Variants in CNGA2 observed in about 807,000 individuals in gnomAD.
CNGA2 encodes the protein cyclic nucleotide gated channel subunit alpha 2.
In CNGA2, 22 loss-of-function variants were observed where a neutral mutation model predicts 35.9. The observed-to-expected ratio is 0.61, with a 90% confidence interval of 0.44 to 0.88. CNGA2 has a LOEUF of 0.88. Ranked by LOEUF, CNGA2 falls within the 40% of genes least tolerant of loss-of-function variation. The pLI, the probability that CNGA2 is intolerant of heterozygous loss-of-function variation, is 0.00. For synonymous variants in CNGA2, 217 were observed against 209.2 expected (o/e 1.04, Z -0.32); for missense variants, 555 against 530.8 (o/e 1.05, Z -0.45).
intron 1 of CNGA2, among the ~76,000 whole-genome samples, chrX:151,736,476 C>T (rs1378051353): frequency 8.9e-6 from 1 of 112,097 alleles, no homozygotes. Flanking sequence ...TTACGGTTGA[C>T]ACCAGGCTTC....
rs374533370 is a variant in CNGA2, at chrX:151,739,612, G to A, written c.254G>A (p.Arg85Gln). Reference sequence around the variant, plus strand: ...AGAGAATGGGCCAACAAGAATTTCCGAGAGGAGGAACCTAGGCCTGACTCA... The same window carrying A: ...AGAGAATGGGCCAACAAGAATTTCCAAGAGGAGGAACCTAGGCCTGACTCA... ...IIREWANKNF[R>Q]EEEPRPDSFL... Residue 85 changes from arginine (R) to glutamine (Q), a missense_variant, in exon 4 of 7, where the codon CGA becomes CAA. Arg to Gln is a conservative substitution (Grantham distance 43). Transcript: ENST00000329903. 66 of 1,209,902 alleles carry A rather than the reference G, an allele frequency of 5.5e-5. No homozygotes were observed. In the Middle Eastern group the frequency reaches 1.1e-3, roughly 21 times the overall value.
rs1206278336 is a variant in CNGA2, at chrX:151,739,603, AG to A, written c.246del (p.Asn83IlefsTer24). 1 of 1,211,601 alleles carries A rather than the reference AG, an allele frequency of 8.3e-7. No individual in the cohort carries two copies. The highest frequency in any genetic ancestry group is 1.8e-5 in the South Asian group (1 of 56,914). On this transcript the variant is annotated frameshift_variant, in exon 4 of 7. Transcript: ENST00000329903. LOFTEE classifies it high-confidence loss of function. Reference sequence around the variant, plus strand: ...GGGATCATCAGAGAATGGGCCAACAAGAATTTCCGAGAGGAGGAACCTAGGC... The same window carrying A: ...GGGATCATCAGAGAATGGGCCAACAAAATTTCCGAGAGGAGGAACCTAGGC... ...LVGIIREWAN[K>X]NFREEEPRPD...
rs371324596 is a variant in CNGA2, at chrX:151,744,343, C to A, written c.1840C>A (p.Arg614Ser). The change falls in exon 7 of 7, where the codon CGC becomes AGC. Residue 614 changes from arginine to serine, a missense_variant. Coordinates refer to ENST00000329903, the MANE Select transcript of CNGA2 (RefSeq NM_005140.3). ...GACCAACATGGAAACCTTGTACACT[C>A]GCTTTGGCCGCCTGCTGGCTGAGTA... ...LETNMETLYTRFGRLLAEYTG... is the reference protein window; with the variant it reads ...LETNMETLYTSFGRLLAEYTG... 11 of 1,211,098 alleles carry A rather than the reference C, an allele frequency of 9.1e-6. No homozygotes were observed. The highest frequency in any genetic ancestry group is 1.2e-5 in the Non-Finnish European group (11 of 895,394).
chrX:151,741,700 A>G (rs1348883464), intron 5 of CNGA2, among the ~76,000 whole-genome samples: 1 of 111,998 alleles, frequency 8.9e-6, no homozygotes, highest in Non-Finnish European at 1.9e-5. Context: ...CGTGGGAGGG[A>G]GGCAGCCAAT....
At position 151,737,694 on chromosome X, in the gene CNGA2, C is replaced by T. The variant is rs189006682; in HGVS notation, c.-26-764C>T. ...ACTGACTTGTCCCTCTCCTGCTCTG[C>T]GCAGAGGAGAGGGCCCTCACTATCA... On this transcript the variant is annotated intron_variant, in intron 1 of 6. Transcript: ENST00000329903. Among the ~76,000 whole-genome samples, 35 of 111,780 alleles carry T rather than the reference C, an allele frequency of 3.1e-4. No individual in the cohort carries two copies. In the East Asian group the frequency reaches 9.0e-3, roughly 29 times the overall value.
Position 151,739,691 on chromosome X carries a change from G to C in CNGA2, c.333G>C (p.Gly111=), listed in dbSNP as rs780922952. The change falls in exon 4 of 7, where the codon GGG becomes GGC. Residue 111 remains glycine (G), a synonymous_variant. Coordinates refer to ENST00000329903, the MANE Select transcript of CNGA2 (RefSeq NM_005140.3). ...TCCAGACTGTGACCACACAGGAGGGGGATGGCAAAGGCGACAAGGATGGCG... is the reference window on the plus strand; with the variant it reads ...TCCAGACTGTGACCACACAGGAGGGCGATGGCAAAGGCGACAAGGATGGCG... ...PELQTVTTQE[G]DGKGDKDGED... The C allele has an allele frequency of 8.3e-7, 1 of 1,211,618 alleles. No individual in the cohort carries two copies. Among genetic ancestry groups the C allele is most frequent in the South Asian group, 1.8e-5 (1 of 56,936 alleles).
Position 151,742,009 on chromosome X carries a change from C to A in CNGA2, c.483-527C>A, listed in dbSNP as rs762251668. 1.7e-4 allele frequency among the ~76,000 whole-genome samples: 19 copies of A among 112,686 alleles called. 1 individual carries two copies. The Middle Eastern group carries it at 0.023, about 137-fold the overall frequency. On this transcript the variant is annotated intron_variant, in intron 5 of 6. Coordinates refer to ENST00000329903, the MANE Select transcript of CNGA2 (RefSeq NM_005140.3). Reference sequence around the variant, plus strand: ...CTCCCTACTCAGTTGCCAAATCCTGCCACTTCCTTTTAAAAAGTTCTGCAA... The same window carrying A: ...CTCCCTACTCAGTTGCCAAATCCTGACACTTCCTTTTAAAAAGTTCTGCAA...
chrX:151,740,623 A>G (rs1238208227), intron 4 of CNGA2, among the ~76,000 whole-genome samples, 171 bp from the exon 5 acceptor site: 1 of 112,219 alleles, frequency 8.9e-6, no homozygotes, highest in Non-Finnish European at 1.9e-5. Context: ...GATGTCCAGT[A>G]CCAGGTTGTA....
At chrX:151,737,208 G>A (rs2015255754) in intron 1 of CNGA2, among the ~76,000 whole-genome samples, 1 of 111,886 alleles carries the variant, frequency 8.9e-6, no homozygotes, top group African/African-American at 3.3e-5. Flanking sequence ...TGGGGGTCAT[G>A]CTGACCATTT....
In CNGA2 at chrX:151,744,006, G is replaced by C; in HGVS notation, c.1503G>C (p.Val501=). 6.6e-6 allele frequency: 8 copies of C among 1,211,562 alleles called. No individual in the cohort carries two copies. In the Admixed American group the frequency reaches 1.5e-4, roughly 23 times the overall value. ...TCATTAAGGAGGGCAAACTGGCAGT[G>C]GTGGCTGATGATGGTGTGACTCAGT... ...MYIIKEGKLA[V]VADDGVTQYA... The change falls in exon 7 of 7, where the codon GTG becomes GTC. Residue 501 remains valine (V), a synonymous_variant. Transcript: ENST00000329903.
chrX:151,744,793 A>G lies in CNGA2; in HGVS notation c.*295A>G, dbSNP rs2124372905. The G allele has an allele frequency of 3.4e-6, 1 of 295,119 alleles. No homozygotes were observed. The highest frequency in any genetic ancestry group is 6.0e-6 in the Non-Finnish European group (1 of 167,185). The allele number at this position is 295,119 out of a possible 1,213,427, so 24.3% of individuals were successfully genotyped here. ...TGCCAGGAGTCTGGCTCTTTTGCTC[A>G]TAGCGACCCCTCCCTTGGTTCTGGC... On this transcript the variant is annotated 3_prime_UTR_variant, in exon 7 of 7. Coordinates refer to ENST00000329903, the MANE Select transcript of CNGA2 (RefSeq NM_005140.3).
chrX:151,744,200 C>T lies in CNGA2; in HGVS notation c.1697C>T (p.Ala566Val). 1 of 1,210,347 alleles carries T rather than the reference C, an allele frequency of 8.3e-7. No individual in the cohort carries two copies. Among genetic ancestry groups the T allele is most frequent in the Non-Finnish European group, 1.1e-6 (1 of 895,229 alleles). Residue 566 changes from alanine (A) to valine (V), a missense_variant, in exon 7 of 7, where the codon GCC becomes GTC. Transcript: ENST00000329903. ...LMEAVTEYPD[A>V]KKVLEERGRE... ...GAAGCTGTGACTGAGTACCCTGATG[C>T]CAAGAAAGTCCTAGAAGAGAGGGGT...
chrX:151,740,841 A>T lies in CNGA2; in HGVS notation c.422A>T (p.Tyr141Phe), dbSNP rs756193162. Residue 141 changes from tyrosine (Y) to phenylalanine (F), a missense_variant, in exon 5 of 7, where the codon TAC (tyrosine) becomes TTC (phenylalanine). Tyr to Phe is a conservative substitution (Grantham distance 22, BLOSUM62 3). Coordinates refer to ENST00000329903, the MANE Select transcript of CNGA2 (RefSeq NM_005140.3). ...TTGGACCCAGCTGGGGATTGGTACT[A>T]CTGCTGGCTATTTGTCATTGCCATG... ...FVLDPAGDWY[Y>F]CWLFVIAMPV... is the part of the protein sequence containing the mutation. 1.7e-6 allele frequency: 2 copies of T among 1,209,222 alleles called. No homozygotes were observed. Among genetic ancestry groups the T allele is most frequent in the African/African-American group, 3.5e-5 (2 of 57,130 alleles).
intron 1 of CNGA2, among the ~76,000 whole-genome samples, chrX:151,738,120 C>G (rs2015266073): frequency 9.1e-6 from 1 of 110,466 alleles, no homozygotes; most frequent in Non-Finnish European, 1.9e-5. Flanking sequence ...ATGGCTTAAA[C>G]AGTTTTTGTT....
At chrX:151,739,485 T>G in intron 3 of CNGA2, 77 bp from the exon 4 acceptor site, 106 of 1,020,378 alleles carry the variant, frequency 1.0e-4, no homozygotes, top group Non-Finnish European at 1.3e-4. Flanking sequence ...TAGCAGACAG[T>G]GAGCTCTTGG....
In CNGA2 at chrX:151,738,552, C is replaced by T. The variant is rs965354592; in HGVS notation, c.69C>T (p.Ala23=). 1.7e-6 allele frequency: 2 copies of T among 1,209,962 alleles called. No homozygotes were observed. The highest frequency in any genetic ancestry group is 2.2e-5 in the Admixed American group (1 of 45,827). The change falls in exon 2 of 7, where the codon GCC becomes GCT. Residue 23 remains alanine, a synonymous_variant. Coordinates refer to ENST00000329903, the MANE Select transcript of CNGA2 (RefSeq NM_005140.3). ...ANNHNHHAPP[A]IKANGKDDHR... ...ATCACAACCATCATGCACCTCCTGC[C>T]ATCAAGGCCAATGGCAAAGATGACC... is the stretch of plus-strand genomic sequence containing the variant.
rs1422797594 is a variant in CNGA2, at chrX:151,745,349, C to T, written c.*851C>T. 3 of 111,998 alleles carry T rather than the reference C, an allele frequency of 2.7e-5. No individual in the cohort carries two copies. Among genetic ancestry groups the T allele is most frequent in the Non-Finnish European group, 5.6e-5 (3 of 53,221 alleles). 9.2% of individuals were successfully genotyped at this position (111,998 alleles called of 1,213,427 possible). On this transcript the variant is annotated 3_prime_UTR_variant, in exon 7 of 7. Transcript: ENST00000329903. ...CTCTGCTGTTCACATTCTCTCCCTC[C>T]CTTCATTAATCCCTCTCTTTTCACC...
chrX:151,740,999 C>G (rs1005853757), intron 5 of CNGA2, 98 bp downstream of exon 5: 2 of 591,711 alleles, frequency 3.4e-6, no homozygotes, highest in African/African-American at 4.4e-5. Context: ...ATGGCACCTC[C>G]AACTTCTCTG....
At position 151,740,893 on chromosome X, in the gene CNGA2, G is replaced by T; in HGVS notation, c.474G>T (p.Leu158=). 8.3e-7 allele frequency: 1 copy of T among 1,207,795 alleles called. No individual in the cohort carries two copies. The highest frequency in any genetic ancestry group is 1.1e-6 in the Non-Finnish European group (1 of 892,202). Residue 158 remains leucine, a synonymous_variant, in exon 5 of 7, where the codon CTG becomes CTT. Coordinates refer to ENST00000329903, the MANE Select transcript of CNGA2 (RefSeq NM_005140.3). The part of the protein sequence containing the change: ...AMPVLYNWCL[L]VARACFSDLQ... ...CCGTCCTTTACAACTGGTGCCTGCT[G>T]GTGGCCAGGTGAGCAGGGTGGGGCC...
Sources: allele counts gnomAD v4.1 joint callset (sites outside exome capture counted in the v4.1 genomes callset), GRCh38; gene constraint gnomAD v4.1.1; transcripts MANE v1.5; gene names NCBI Gene and HGNC (gene_info 2026-07-23, HGNC 2026-07-21).